Variants in ZNF786 observed in about 807,000 individuals in gnomAD.
ZNF786 encodes the protein zinc finger protein 786.
A neutral mutation model predicts 63.1 loss-of-function variants in ZNF786; 56 were observed. The ratio of observed to expected loss-of-function variants is 0.89; its 90% confidence interval spans 0.72 to 1.11. The LOEUF (loss-of-function observed/expected upper bound fraction) is 1.11, where lower values mean the gene tolerates loss of function less well. Ranked by LOEUF, ZNF786 falls within the 50% of genes least tolerant of loss-of-function variation. The pLI, the probability that ZNF786 is intolerant of heterozygous loss-of-function variation, is 0.00. For missense variants in ZNF786, 1,213 were observed against 1,041.8 expected (o/e 1.16, Z -2.26); for synonymous variants, 485 against 406.9 (o/e 1.19, Z -2.31).
rs1292928956 is a variant in ZNF786, at chr7:149,071,077, G to C, written c.1695C>G (p.Phe565Leu). 6 of 1,612,208 alleles carry C rather than the reference G, an allele frequency of 3.7e-6. No homozygotes were observed. Among genetic ancestry groups the C allele is most frequent in the African/African-American group, 1.3e-5 (1 of 74,970 alleles). Residue 565 changes from phenylalanine to leucine, a missense_variant, in exon 4 of 4, where the codon TTC becomes TTG. Physicochemically the swap from Phe to Leu is conservative, Grantham distance 22. Coordinates refer to ENST00000491431, the MANE Select transcript of ZNF786 (RefSeq NM_152411.4). ...HQHTHSKERP[F>L]SCGECGKGFT... ...AGCCCTTGCCACACTCCCCGCACGAGAACGGCCTCTCCTTGCTGTGCGTGT... is the reference window on the plus strand; with the variant it reads ...AGCCCTTGCCACACTCCCCGCACGACAACGGCCTCTCCTTGCTGTGCGTGT...
chr7:149,070,692 G>A lies in ZNF786; in HGVS notation c.2080C>T (p.His694Tyr). ...CTCTCCCCTGTGTGCAGGCCCTGATGGCTGAGCAGCTGCGCCTTCAGGCGG... is the reference window on the plus strand; with the variant it reads ...CTCTCCCCTGTGTGCAGGCCCTGATAGCTGAGCAGCTGCGCCTTCAGGCGG... ...SFRLKAQLLS[H>Y]QGLHTGERPF... Residue 694 changes from histidine (H) to tyrosine (Y), a missense_variant, in exon 4 of 4, where the codon CAT becomes TAT. By Grantham distance (83) the His-to-Tyr change is moderately conservative (BLOSUM62 2). Transcript: ENST00000491431. 1 of 1,613,968 alleles carries A rather than the reference G, an allele frequency of 6.2e-7. No homozygotes were observed. Among genetic ancestry groups the A allele is most frequent in the Non-Finnish European group, 8.5e-7 (1 of 1,179,930 alleles).
intron 3 of ZNF786, among the ~76,000 whole-genome samples, chr7:149,073,059 C>G (rs1585461606): frequency 6.6e-6 from 1 of 152,318 alleles, no homozygotes; most frequent in South Asian, 2.1e-4. Flanking sequence ...TAAGACCTGG[C>G]AGCAAGGCTT....
In ZNF786 at chr7:149,073,761, A is replaced by G. The variant is rs1460703177; in HGVS notation, c.298+625T>C. On this transcript the variant is annotated intron_variant, in intron 3 of 3. Coordinates refer to ENST00000491431, the MANE Select transcript of ZNF786 (RefSeq NM_152411.4). ...TGTGTGTGTGTGTATATATATATATATATATATATATATATATATGTATAT... is the reference window on the plus strand; with the variant it reads ...TGTGTGTGTGTGTATATATATATATGTATATATATATATATATATGTATAT... 7.6e-3 allele frequency among the ~76,000 whole-genome samples: 761 copies of G among 100,688 alleles called. 8 individuals carry two copies. Among genetic ancestry groups the G allele is most frequent in the Non-Finnish European group, 0.011 (550 of 49,364 alleles). The allele number at this position is 100,688 out of a possible 152,430, so 66.1% of individuals were successfully genotyped here. A position where few individuals can be genotyped will look rare whatever the true frequency, so the allele number is the denominator to read the frequency against.
intron 1 of ZNF786, among the ~76,000 whole-genome samples, chr7:149,082,036 G>C (rs760987680): frequency 2.0e-5 from 3 of 152,162 alleles, no homozygotes; most frequent in Non-Finnish European, 4.4e-5. Context: ...CTAGGCATTC[G>C]CTTGACATGG....
At chr7:149,083,493 GCGTGATCCAC>G (rs1825683861) in intron 1 of ZNF786, among the ~76,000 whole-genome samples, 1 of 152,148 alleles carries the variant, frequency 6.6e-6, no homozygotes, top group Non-Finnish European at 1.5e-5. Context: ...AGGATTACAG[GCGTGATCCAC>G]CGCGCCCGGC....
intron 2 of ZNF786, among the ~76,000 whole-genome samples, chr7:149,078,813 TC>T (rs1237491861): frequency 6.6e-6 from 1 of 152,098 alleles, no homozygotes; most frequent in Non-Finnish European, 1.5e-5. Flanking sequence ...GAACTAATTA[TC>T]TTTATATACT....
chr7:149,084,327 G>A (rs1346216090), intron 1 of ZNF786, among the ~76,000 whole-genome samples: 1 of 144,956 alleles, frequency 6.9e-6, no homozygotes, highest in Non-Finnish European at 1.5e-5. Flanking sequence ...GCACCAGCCT[G>A]GACAACAGAG....
At chr7:149,084,481 A>T (rs1045721840) in intron 1 of ZNF786, among the ~76,000 whole-genome samples, 1 of 151,992 alleles carries the variant, frequency 6.6e-6, no homozygotes, top group Non-Finnish European at 1.5e-5. Flanking sequence ...TTTCTCTGTA[A>T]CCTTGTTTTT....
chr7:149,088,708 A>C (rs957268379), intron 1 of ZNF786, among the ~76,000 whole-genome samples: 1 of 152,172 alleles, frequency 6.6e-6, no homozygotes, highest in Non-Finnish European at 1.5e-5. Flanking sequence ...AGTTCCTTTT[A>C]ATGAAATAGA....
At chr7:149,090,324 T>C (rs1333517460) in intron 1 of ZNF786, among the ~76,000 whole-genome samples, 1 of 152,212 alleles carries the variant, frequency 6.6e-6, no homozygotes, top group Non-Finnish European at 1.5e-5. Flanking sequence ...TTTCTATCCT[T>C]TCCACCGTCC....
chr7:149,070,759 C>T lies in ZNF786; in HGVS notation c.2013G>A (p.Thr671=), dbSNP rs760432819. Residue 671 remains threonine (T), a synonymous_variant, in exon 4 of 4, where the codon ACG becomes ACA. Coordinates refer to ENST00000491431, the MANE Select transcript of ZNF786 (RefSeq NM_152411.4). Reference sequence around the variant, plus strand: ...TGGGACACTGAAAAGGCTTCTCTCCCGTGTGCGTTCTGATGTGCTCGATGA... The same window carrying T: ...TGGGACACTGAAAAGGCTTCTCTCCTGTGTGCGTTCTGATGTGCTCGATGA... The part of the protein sequence containing the change: ...SKLIEHIRTH[T]GEKPFQCPKC... 1.2e-6 allele frequency: 2 copies of T among 1,613,614 alleles called. No individual in the cohort carries two copies. Among genetic ancestry groups the T allele is most frequent in the Middle Eastern group, 1.6e-4 (1 of 6,062 alleles).
rs777275379 is a variant in ZNF786, at chr7:149,070,508, G to C, written c.2264C>G (p.Thr755Arg). The part of the protein sequence containing the change: ...SKLAEHIRVH[T>R]KSCPAPNELD... Reference sequence around the variant, plus strand: ...TTCATTTGGAGCAGGACAGGATTTTGTGTGTACTCTGATGTGCTCCGCAAG... The same window carrying C: ...TTCATTTGGAGCAGGACAGGATTTTCTGTGTACTCTGATGTGCTCCGCAAG... The change falls in exon 4 of 4, where the codon ACA (threonine) becomes AGA (arginine). Residue 755 changes from threonine to arginine, a missense_variant. Thr to Arg is a moderately conservative substitution (Grantham distance 71). Coordinates refer to ENST00000491431, the MANE Select transcript of ZNF786 (RefSeq NM_152411.4). 6.2e-6 allele frequency: 10 copies of C among 1,614,018 alleles called. No homozygotes were observed. In the South Asian group the frequency reaches 1.1e-4, roughly 18 times the overall value.
chr7:149,072,034 A>T lies in ZNF786; in HGVS notation c.738T>A (p.Gly246=). ...VQRHFRCGVC[G]KSFRRKLCLL... is the part of the protein sequence containing the mutation. ...GACACAGCTTCCGGCGGAAGCTCTT[A>T]CCGCACACGCCACACCGGAAGTGCC... Residue 246 remains glycine (G), a synonymous_variant, in exon 4 of 4, where the codon GGT becomes GGA. Transcript: ENST00000491431. 6.2e-7 allele frequency: 1 copy of T among 1,612,778 alleles called. No individual in the cohort carries two copies. Among genetic ancestry groups the T allele is most frequent in the South Asian group, 1.1e-5 (1 of 91,030 alleles).
intron 1 of ZNF786, among the ~76,000 whole-genome samples, chr7:149,086,258 T>C (rs1304644080): frequency 1.3e-5 from 2 of 152,124 alleles, no homozygotes; most frequent in African/African-American, 4.8e-5. Flanking sequence ...TGGTTCACAG[T>C]TCTGCAGGCT....
At chr7:149,087,760 C>T (rs994095252) in intron 1 of ZNF786, among the ~76,000 whole-genome samples, 10 of 152,048 alleles carry the variant, frequency 6.6e-5, no homozygotes, top group Non-Finnish European at 1.3e-4. Context: ...CTTGCTATGC[C>T]CACTTCCACA....
chr7:149,078,002 A>G (rs1459715298), intron 2 of ZNF786, among the ~76,000 whole-genome samples: 1 of 151,370 alleles, frequency 6.6e-6, no homozygotes, highest in Non-Finnish European at 1.5e-5. Flanking sequence ...AGCTGGGATT[A>G]CAGGCATGCA....
At chr7:149,073,643 A>G (rs1196378841) in intron 3 of ZNF786, among the ~76,000 whole-genome samples, 1 of 150,638 alleles carries the variant, frequency 6.6e-6, no homozygotes, top group Non-Finnish European at 1.5e-5. Context: ...ATATACACAT[A>G]TATATGTATA....
At chr7:149,085,494 C>T (rs1202405785) in intron 1 of ZNF786, among the ~76,000 whole-genome samples, 2 of 152,120 alleles carry the variant, frequency 1.3e-5, no homozygotes, top group African/African-American at 4.8e-5. Flanking sequence ...GGTGGGAGAA[C>T]TGCTTGAGTA....
At position 149,071,968 on chromosome 7, in the gene ZNF786, G is replaced by T. The variant is rs761698118; in HGVS notation, c.804C>A (p.Phe268Leu). ...AGCACATTTCACCGTCAGCGTTCCGGAAGGGGCCCCTCCCCGTGTGGGCCG... is the reference window on the plus strand; with the variant it reads ...AGCACATTTCACCGTCAGCGTTCCGTAAGGGGCCCCTCCCCGTGTGGGCCG... Reference protein sequence around the residue: ...HLAAHTGRGPFRNADGEMCFR... With the variant: ...HLAAHTGRGPLRNADGEMCFR... Residue 268 changes from phenylalanine (F) to leucine (L), a missense_variant, in exon 4 of 4, where the codon TTC (phenylalanine) becomes TTA (leucine). Physicochemically the swap from Phe to Leu is conservative, Grantham distance 22 (BLOSUM62 0). Coordinates refer to ENST00000491431, the MANE Select transcript of ZNF786 (RefSeq NM_152411.4). 3 of 1,612,232 alleles carry T rather than the reference G, an allele frequency of 1.9e-6. No individual in the cohort carries two copies. Among genetic ancestry groups the T allele is most frequent in the Non-Finnish European group, 2.5e-6 (3 of 1,179,824 alleles).
Sources: allele counts gnomAD v4.1 joint callset (sites outside exome capture counted in the v4.1 genomes callset), GRCh38; gene constraint gnomAD v4.1.1; transcripts MANE v1.5; gene names NCBI Gene and HGNC (gene_info 2026-07-23, HGNC 2026-07-21).